The following ANO2 variants were observed in gnomAD, a reference collection of about 807,000 sequenced individuals.
ANO2 encodes anoctamin 2.
In ANO2, 101 loss-of-function variants were observed where a neutral mutation model predicts 124.2. The observed-to-expected ratio is 0.81, with a 90% CI of 0.69 to 0.96. The LOEUF (loss-of-function observed/expected upper bound fraction) is 0.96, where lower values mean the gene tolerates loss of function less well. Among genes scored for constraint, ANO2 ranks in the 40% least tolerant of loss-of-function variants. ANO2 has a pLI of 0.00. For missense variants in ANO2, 1,293 were observed against 1,274.5 expected (o/e 1.01, Z -0.22); for synonymous variants, 486 against 482.5 (o/e 1.01, Z -0.09).
intron 14 of ANO2, among the ~76,000 whole-genome samples, chr12:5,695,549 A>T (rs1949132382): frequency 6.6e-6 from 1 of 152,182 alleles, no homozygotes; most frequent in Admixed American, 6.5e-5. Context: ...CTTCTAAATA[A>T]CTCACAGAGG....
chr12:5,810,325 A>T (rs1261880313), intron 7 of ANO2, among the ~76,000 whole-genome samples: 2 of 152,216 alleles, frequency 1.3e-5, no homozygotes, highest in African/African-American at 4.8e-5. Flanking sequence ...TCAGAAACCA[A>T]GATTCTACCC....
intron 14 of ANO2, among the ~76,000 whole-genome samples, chr12:5,677,292 C>A (rs10774359): frequency 0.45 from 68,738 of 151,888 alleles, 17,030 homozygotes; most frequent in Middle Eastern, 0.61. Context: ...CCCCAAAGGC[C>A]ACAGTGTCAA....
intron 10 of ANO2, among the ~76,000 whole-genome samples, chr12:5,790,068 G>C (rs115129755): frequency 3.2e-4 from 48 of 152,336 alleles, no homozygotes; most frequent in African/African-American, 1.1e-3. Flanking sequence ...TCTAAGGCAA[G>C]ATCAGTCCCT....
At chr12:5,723,435 G>A (rs1361566898) in intron 14 of ANO2, among the ~76,000 whole-genome samples, 2 of 152,048 alleles carry the variant, frequency 1.3e-5, no homozygotes, top group East Asian at 1.9e-4. Context: ...GTACCCCTAA[G>A]GAGATCCACA....
intron 3 of ANO2, among the ~76,000 whole-genome samples, chr12:5,867,092 A>G (rs990405947): frequency 4.6e-5 from 7 of 152,368 alleles, no homozygotes; most frequent in African/African-American, 1.7e-4. Flanking sequence ...TTCTGAAGAC[A>G]GGCTCTGGCC....
intron 1 of ANO2, among the ~76,000 whole-genome samples, chr12:5,939,632 T>C (rs1942814669): frequency 6.6e-6 from 1 of 152,258 alleles, no homozygotes; most frequent in South Asian, 2.1e-4. Flanking sequence ...AATTTATTAT[T>C]ATCCACACCG....
upstream of ANO2, chr12:5,946,107 GA>G (rs748581468): frequency 1.2e-6 from 2 of 1,606,312 alleles, no homozygotes; most frequent in African/African-American, 2.7e-5. The surrounding 1 kb of genome is among the most constrained non-coding windows in gnomAD (Gnocchi z 4.1). Flanking sequence ...CCAAAATGAA[GA>G]AGTACTATGT....
rs1239061539 is a variant in ANO2 at position 5,568,235 on chromosome 12, G to C, written c.2622-2572C>G. The stretch of plus-strand genomic sequence containing the variant: ...GCTCACTGCAACCTCCGCCTCCCAG[G>C]TTCACGCCATTCTCCTGCCTCAGCC... On this transcript the variant is annotated intron_variant, in intron 23 of 24. Transcript: ENST00000682330. Among the ~76,000 whole-genome samples, 33 of 150,104 alleles carry C rather than the reference G, an allele frequency of 2.2e-4. No homozygotes were observed. The Admixed American group carries it at 2.2e-3, about 10-fold the overall frequency.
At chr12:5,878,328 T>C (rs552992779) in intron 3 of ANO2, among the ~76,000 whole-genome samples, 1 of 152,312 alleles carries the variant, frequency 6.6e-6, no homozygotes, top group South Asian at 2.1e-4. Flanking sequence ...GGATCACACA[T>C]TAAGGAGTGG....
intron 3 of ANO2, among the ~76,000 whole-genome samples, chr12:5,888,956 G>A (rs1414979441): frequency 1.3e-5 from 2 of 152,218 alleles, no homozygotes; most frequent in African/African-American, 4.8e-5. Flanking sequence ...AGCTGTGCTC[G>A]TTGGGGAGGC....
intron 10 of ANO2, among the ~76,000 whole-genome samples, chr12:5,798,517 C>A (rs904594996): frequency 6.6e-6 from 1 of 152,160 alleles, no homozygotes; most frequent in Admixed American, 6.5e-5. Flanking sequence ...CCAGGGCAAC[C>A]AGCCAGGAAC....
intron 22 of ANO2, among the ~76,000 whole-genome samples, chr12:5,577,009 C>T (rs910057086): frequency 6.6e-6 from 1 of 152,180 alleles, no homozygotes; most frequent in Non-Finnish European, 1.5e-5. Context: ...CTTAAAGAGG[C>T]CAGGGAAGTA....
Position 5,694,271 on chromosome 12 carries a change from G to GAGAGAGAC in ANO2, c.1545+38248_1545+38249insGTCTCTCT, listed in dbSNP as rs1342612567. On this transcript the variant is annotated intron_variant, in intron 14 of 24. Transcript: ENST00000682330. ...AGAGACAGAGAGAGAGAGAGAGAGA[G>GAGAGAGAC]AGAGAGAGAGAGAATAAAACAGACA... 2.6e-5 allele frequency among the ~76,000 whole-genome samples: 4 copies of GAGAGAGAC among 151,914 alleles called. No individual in the cohort carries two copies. The East Asian group carries it at 5.8e-4, about 22-fold the overall frequency.
chr12:5,732,891 C>G lies in ANO2; in HGVS notation c.1435-261G>C, dbSNP rs375217732. 24 of 1,613,718 alleles carry G rather than the reference C, an allele frequency of 1.5e-5. No homozygotes were observed. The Admixed American group carries it at 4.0e-4, about 27-fold the overall frequency. Reference sequence around the variant, plus strand: ...CTGGGCACGTTCCTGGGGATAGCGCCGGTGTTGAGAAAAAGAGAGGAAATG... The same window carrying G: ...CTGGGCACGTTCCTGGGGATAGCGCGGGTGTTGAGAAAAAGAGAGGAAATG... On this transcript the variant is annotated intron_variant, in intron 13 of 24. Transcript: ENST00000682330.
chr12:5,892,011 A>T (rs866407221), intron 3 of ANO2, among the ~76,000 whole-genome samples: 3 of 152,214 alleles, frequency 2.0e-5, no homozygotes, highest in African/African-American at 7.2e-5. Context: ...AGTCATTACA[A>T]AAAAGGCCCA....
chr12:5,679,633 A>G (rs556068584), intron 14 of ANO2, among the ~76,000 whole-genome samples: 1 of 152,246 alleles, frequency 6.6e-6, no homozygotes, highest in African/African-American at 2.4e-5. Context: ...AAAAGTCAAA[A>G]AACAACAGAT....
At chr12:5,773,424 G>A (rs1410041866) in intron 10 of ANO2, among the ~76,000 whole-genome samples, 1 of 152,132 alleles carries the variant, frequency 6.6e-6, no homozygotes. Context: ...TACAAGACTT[G>A]TCCAAAATCA....
At position 5,921,147 on chromosome 12, in the gene ANO2, T is replaced by C. The variant is rs199618060; in HGVS notation, c.427A>G (p.Ile143Val). 1.6e-4 allele frequency: 254 copies of C among 1,613,872 alleles called. No individual in the cohort carries two copies. Among genetic ancestry groups the C allele is most frequent in the Admixed American group, 9.3e-4 (56 of 59,998 alleles). Residue 143 changes from isoleucine to valine, a missense_variant, in exon 3 of 25, where the codon ATT becomes GTT. By Grantham distance (29) the Ile-to-Val change is conservative (BLOSUM62 3). Coordinates refer to ENST00000682330, the MANE Select transcript of ANO2 (RefSeq NM_001364791.2). ...AGGGCATCGAGCGGTCCCAGCTCAA[T>C]GTCACCTGGGCCCCCAGCATGAGGC... ...KEPHAGGPGD[I>V]ELGPLDALEE...
intron 14 of ANO2, among the ~76,000 whole-genome samples, chr12:5,660,040 C>A (rs1342156922): frequency 6.6e-6 from 1 of 152,230 alleles, no homozygotes. Context: ...CAGCCTAAAG[C>A]TATCAGCAAC....
Sources: gnomAD v4.1 joint callset for allele counts (sites outside exome capture counted in the v4.1 genomes callset) on GRCh38, gnomAD v4.1.1 for gene constraint, Gnocchi (gnomAD v3.1) non-coding constraint, MANE v1.5 for transcripts, NCBI Gene and HGNC (gene_info 2026-07-23, HGNC 2026-07-21) for gene names.